SRRM4: variants seen among roughly 807,000 people sequenced by gnomAD.
SRRM4 encodes serine/arginine repetitive matrix 4, also known as serine/arginine repetitive matrix protein 4.
Under a neutral mutation model 68.9 loss-of-function variants are expected in SRRM4, and 33 were observed. The ratio of observed to expected loss-of-function variants is 0.48; its 90% CI spans 0.36 to 0.64. The LOEUF is 0.64. Among genes scored for constraint, SRRM4 ranks in the 30% least tolerant of loss-of-function variants. The pLI is 0.00. For synonymous variants in SRRM4, 318 were observed against 318.8 expected, an observed-to-expected ratio of 1.00 and a Z score of 0.03; for missense variants, 817 against 827.1, an observed-to-expected ratio of 0.99 and a Z score of 0.15.
chr12:119,160,289 G>GTCTCTCTCTC lies in SRRM4; in HGVS notation c.*3516_*3525dup, dbSNP rs55907957. The GTCTCTCTCTC allele has an allele frequency of 4.2e-4, 60 of 143,234 alleles. No individual in the cohort carries two copies. Among genetic ancestry groups the GTCTCTCTCTC allele is most frequent in the African/African-American group, 1.4e-3 (53 of 38,290 alleles). The allele number at this position is 143,234 out of a possible 1,614,324, so 8.9% of individuals were successfully genotyped here. On this transcript the variant is annotated 3_prime_UTR_variant, in exon 13 of 13. Transcript: ENST00000267260. ...TGTCTCTCTCTCTGTCTCTCTCTCT[G>GTCTCTCTCTC]TCTCTCTCTCTCTCTCTCTCTCTCT...
At chr12:119,118,778 C>G (rs1344889459) in intron 4 of SRRM4, among the ~76,000 whole-genome samples, 1 of 152,192 alleles carries the variant, frequency 6.6e-6, no homozygotes, top group African/African-American at 2.4e-5. Context: ...TGGCTTCTCA[C>G]TCACAGATTC....
At chr12:118,991,284 C>A (rs962060783) in intron 1 of SRRM4, among the ~76,000 whole-genome samples, 4 of 152,174 alleles carry the variant, frequency 2.6e-5, no homozygotes, top group South Asian at 2.1e-4. Context: ...TGCCATGGAG[C>A]CTTTGCACAT....
At chr12:119,080,760 C>G (rs1010908280) in intron 1 of SRRM4, among the ~76,000 whole-genome samples, 11 of 152,246 alleles carry the variant, frequency 7.2e-5, no homozygotes, top group Admixed American at 6.5e-4. Context: ...GAGCAGGCAA[C>G]AGCTTCAAAG....
chr12:119,068,904 G>A (rs970731280), intron 1 of SRRM4, among the ~76,000 whole-genome samples: 6 of 152,070 alleles, frequency 3.9e-5, no homozygotes, highest in African/African-American at 1.4e-4. Flanking sequence ...GGAGGGCGAC[G>A]AGTGATGATT....
At chr12:119,119,014 T>C (rs1954200525) in intron 4 of SRRM4, among the ~76,000 whole-genome samples, 2 of 151,790 alleles carry the variant, frequency 1.3e-5, no homozygotes. Flanking sequence ...GCTGACACTT[T>C]TGGAGATGGG....
chr12:119,060,821 C>T (rs892657062), intron 1 of SRRM4, among the ~76,000 whole-genome samples: 2 of 152,224 alleles, frequency 1.3e-5, no homozygotes, highest in Non-Finnish European at 2.9e-5. Flanking sequence ...GATCAGCTCA[C>T]GCCCGCTCTT....
At chr12:119,104,087 T>C (rs1954093235) in intron 2 of SRRM4, among the ~76,000 whole-genome samples, 1 of 152,192 alleles carries the variant, frequency 6.6e-6, no homozygotes, top group Non-Finnish European at 1.5e-5. Context: ...TGAGCAACCT[T>C]GGGCAAGTTT....
At chr12:119,136,365 A>G (rs1331593344) in intron 8 of SRRM4, among the ~76,000 whole-genome samples, 1 of 152,208 alleles carries the variant, frequency 6.6e-6, no homozygotes, top group African/African-American at 2.4e-5. Flanking sequence ...TGGGAGACAC[A>G]ATATCCAACA....
chr12:119,102,887 AC>A (rs1344114169), intron 2 of SRRM4, among the ~76,000 whole-genome samples: 1 of 152,184 alleles, frequency 6.6e-6, no homozygotes, highest in Non-Finnish European at 1.5e-5. Flanking sequence ...GTACTAGCAC[AC>A]AAATGCAGAG....
In SRRM4 at chr12:119,154,620, A is replaced by G. The variant is rs1269862784; in HGVS notation, c.1532+237A>G. 6.6e-6 allele frequency among the ~76,000 whole-genome samples: 1 copy of G among 152,030 alleles called. No individual in the cohort carries two copies. Among genetic ancestry groups the G allele is most frequent in the Non-Finnish European group, 1.5e-5 (1 of 67,978 alleles). On this transcript the variant is annotated intron_variant, in intron 12 of 12. Transcript: ENST00000267260. This position sits in a 1 kb window ranked among gnomAD's most constrained non-coding sequence, Gnocchi z 4.7. Reference sequence around the variant, plus strand: ...GAAGGGGGCGGGGCCAGCCTGAAGAATCGGGTGTGGCATGGGGGAGTGGCC... The same window carrying G: ...GAAGGGGGCGGGGCCAGCCTGAAGAGTCGGGTGTGGCATGGGGGAGTGGCC...
In SRRM4 at chr12:119,097,494, C is replaced by A. The variant is rs115238419; in HGVS notation, c.132-4742C>A. Among the ~76,000 whole-genome samples, 1,150 of 152,364 alleles carry A rather than the reference C, an allele frequency of 7.5e-3. 23 individuals are homozygous for A. The highest frequency in any genetic ancestry group is 0.026 in the African/African-American group (1,090 of 41,574). Reference sequence around the variant, plus strand: ...ACACGACGGTTTCCTTCTTCCTCCCCTCAGCATTTCCTCTCTGCCTGGCAG... The same window carrying A: ...ACACGACGGTTTCCTTCTTCCTCCCATCAGCATTTCCTCTCTGCCTGGCAG... On this transcript the variant is annotated intron_variant, in intron 1 of 12. Transcript: ENST00000267260.
chr12:119,120,444 G>C (rs920008644), intron 5 of SRRM4, among the ~76,000 whole-genome samples, 168 bp downstream of exon 5: 1 of 152,064 alleles, frequency 6.6e-6, no homozygotes, highest in Non-Finnish European at 1.5e-5. Context: ...TTTTTTCTGA[G>C]TATTCCAAGC....
At chr12:119,042,658 AAGG>A (rs903862522) in intron 1 of SRRM4, among the ~76,000 whole-genome samples, 5 of 151,816 alleles carry the variant, frequency 3.3e-5, no homozygotes, top group African/African-American at 1.2e-4. Context: ...AGAGAAAAGA[AAGG>A]AGAAGAGGAA....
chr12:118,985,122 C>T (rs1270050005), intron 1 of SRRM4, among the ~76,000 whole-genome samples: 1 of 152,184 alleles, frequency 6.6e-6, no homozygotes, highest in Admixed American at 6.5e-5. Context: ...ACCCATTTCT[C>T]CCCCAAGTAA....
At chr12:119,031,944 A>G (rs1953594484) in intron 1 of SRRM4, among the ~76,000 whole-genome samples, 1 of 152,078 alleles carries the variant, frequency 6.6e-6, no homozygotes, top group African/African-American at 2.4e-5. Flanking sequence ...AAATGGTCAA[A>G]CCCAGCAATA....
At chr12:119,092,799 C>G (rs1029761051) in intron 1 of SRRM4, among the ~76,000 whole-genome samples, 4 of 152,096 alleles carry the variant, frequency 2.6e-5, no homozygotes, top group Non-Finnish European at 5.9e-5. Context: ...TCCAATGAAG[C>G]CTCCAATGGC....
chr12:119,094,732 C>T (rs1172908672), intron 1 of SRRM4, among the ~76,000 whole-genome samples: 1 of 152,210 alleles, frequency 6.6e-6, no homozygotes, highest in Non-Finnish European at 1.5e-5. Flanking sequence ...GTCCACTGCC[C>T]CCGTAAGCCT....
At chr12:119,084,944 A>G (rs973366041) in intron 1 of SRRM4, among the ~76,000 whole-genome samples, 1 of 152,220 alleles carries the variant, frequency 6.6e-6, no homozygotes, top group African/African-American at 2.4e-5. Context: ...TTTGTTGCCC[A>G]GGCTGGAATG....
At chr12:119,038,877 T>A (rs551479989) in intron 1 of SRRM4, among the ~76,000 whole-genome samples, 1 of 152,304 alleles carries the variant, frequency 6.6e-6, no homozygotes, top group Non-Finnish European at 1.5e-5. Flanking sequence ...AAACACATAC[T>A]GTTATTACGG....
Sources: gnomAD v4.1 joint callset for allele counts (sites outside exome capture counted in the v4.1 genomes callset) on GRCh38, gnomAD v4.1.1 for gene constraint, Gnocchi (gnomAD v3.1) non-coding constraint, MANE v1.5 for transcripts, NCBI Gene and HGNC (gene_info 2026-07-23, HGNC 2026-07-21) for gene names.